The following CYP20A1 variants were observed in gnomAD, a reference collection of about 807,000 sequenced individuals.
CYP20A1 encodes cytochrome P450 20A1.
CYP20A1 carries 61 observed loss-of-function variants against 61.4 expected under a neutral mutation model. The observed-to-expected ratio is 0.99, with a 90% CI of 0.81 to 1.23. The LOEUF (loss-of-function observed/expected upper bound fraction) is 1.23, where lower values mean the gene tolerates loss of function less well. Among genes scored for constraint, CYP20A1 ranks in the 50% most tolerant of loss-of-function variants. The probability of loss-of-function intolerance (pLI) is 0.00; values close to 1 mark genes in which losing one functional copy is unlikely to be tolerated. For synonymous variants in CYP20A1, 193 were observed against 188.2 expected (o/e 1.03, Z -0.21); for missense variants, 530 against 542.4 (o/e 0.98, Z 0.23).
chr2:203,291,339 G>A (rs568890554), intron 10 of CYP20A1, among the ~76,000 whole-genome samples: 14 of 152,310 alleles, frequency 9.2e-5, no homozygotes, highest in Admixed American at 3.9e-4. Flanking sequence ...ACTGGGCCAT[G>A]TGTACGTTAA....
chr2:203,267,843 C>T (rs933007085), intron 5 of CYP20A1, among the ~76,000 whole-genome samples: 1 of 77,146 alleles, frequency 1.3e-5, no homozygotes, highest in Admixed American at 1.5e-4. Context: ...GAGTCCATCT[C>T]AAAAAAAAAA....
chr2:203,290,800 G>T lies in CYP20A1; in HGVS notation c.1083+924G>T, dbSNP rs534112396. On this transcript the variant is annotated intron_variant, in intron 10 of 12. Transcript: ENST00000356079. Reference sequence around the variant, plus strand: ...TGGGATTACAGGCTTGTGCCACAAGGCCTGGCTGATTTTTATATTTTTAGT... The same window carrying T: ...TGGGATTACAGGCTTGTGCCACAAGTCCTGGCTGATTTTTATATTTTTAGT... 9.2e-5 allele frequency among the ~76,000 whole-genome samples: 14 copies of T among 152,050 alleles called. No individual in the cohort carries two copies. The South Asian group carries it at 2.9e-3, about 32-fold the overall frequency.
chr2:203,296,809 G>C lies in CYP20A1; in HGVS notation c.1290G>C (p.Leu430=). 1 of 1,607,908 alleles carries C rather than the reference G, an allele frequency of 6.2e-7. No homozygotes were observed. The highest frequency in any genetic ancestry group is 8.5e-7 in the Non-Finnish European group (1 of 1,176,176). ...TTCTTAGTGTATTGGTGAAGAGACT[G>C]CACCTACTTTCTGTGGAGGGACAGG... ...TVLLSVLVKR[L]HLLSVEGQVI... The change falls in exon 13 of 13, where the codon CTG becomes CTC. Residue 430 remains leucine, a synonymous_variant. Coordinates refer to ENST00000356079, the MANE Select transcript of CYP20A1 (RefSeq NM_177538.3).
In CYP20A1 at chr2:203,301,600, C is replaced by G. The variant is rs2069024560; in HGVS notation, c.*4692C>G. ...AAACATTTTTTTATGAACTAAAGAG[C>G]TCTCTCAAACTTGTGCTAACAAAAT... On this transcript the variant is annotated 3_prime_UTR_variant, in exon 13 of 13. Transcript: ENST00000356079. Among the ~76,000 whole-genome samples the G allele has an allele frequency of 6.6e-6, 1 of 152,056 alleles. No homozygotes were observed. The highest frequency in any genetic ancestry group is 6.6e-5 in the Admixed American group (1 of 15,234).
chr2:203,288,825 G>A (rs1303590662), intron 9 of CYP20A1, among the ~76,000 whole-genome samples: 2 of 152,148 alleles, frequency 1.3e-5, no homozygotes, highest in East Asian at 3.8e-4. Context: ...TACCTGCTGT[G>A]TGATCTTAAA....
At chr2:203,251,817 A>ATATATATATGTGTATATATATATATATAT (rs34111991) in intron 3 of CYP20A1, 150 bp from the exon 4 acceptor site, 1 of 95,294 alleles carries the variant, frequency 1.0e-5, no homozygotes, top group Non-Finnish European at 2.2e-5. Context: ...ATATATATAT[A>ATATATATATGTGTATATATATATATATAT]AAAAATAAAA....
chr2:203,301,195 C>T lies in CYP20A1; in HGVS notation c.*4287C>T, dbSNP rs1419733303. Among the ~76,000 whole-genome samples, 1 of 123,096 alleles carries T rather than the reference C, an allele frequency of 8.1e-6. No homozygotes were observed. The highest frequency in any genetic ancestry group is 1.6e-5 in the Non-Finnish European group (1 of 60,610). 80.8% of individuals were successfully genotyped at this position (123,096 alleles called of 152,430 possible). A position where few individuals can be genotyped will look rare whatever the true frequency, so the allele number is the denominator to read the frequency against. On this transcript the variant is annotated 3_prime_UTR_variant, in exon 13 of 13. Coordinates refer to ENST00000356079, the MANE Select transcript of CYP20A1 (RefSeq NM_177538.3). ...TGGGCAAGAAGAGTGAAACTCTATC[C>T]AAAAAAAAAAAAAAACCATACGTAC...
At chr2:203,288,737 G>T (rs1252709640) in intron 9 of CYP20A1, among the ~76,000 whole-genome samples, 2 of 152,114 alleles carry the variant, frequency 1.3e-5, no homozygotes, top group East Asian at 3.8e-4. Context: ...GTATAATAAG[G>T]TCCTAGAAGT....
rs926768712 is a variant in CYP20A1, at chr2:203,272,862, T to G, written c.679+114T>G. On this transcript the variant is annotated intron_variant, in intron 6 of 12. Coordinates refer to ENST00000356079, the MANE Select transcript of CYP20A1 (RefSeq NM_177538.3). ...GTCATTTATATTTTCTTTTTTTTTTTTTTTGAGACAGAGTCTCGCTCTGTT... is the reference window on the plus strand; with the variant it reads ...GTCATTTATATTTTCTTTTTTTTTTGTTTTGAGACAGAGTCTCGCTCTGTT... The G allele has an allele frequency of 8.1e-6, 5 of 615,552 alleles. No individual in the cohort carries two copies. The African/African-American group carries it at 9.9e-5, about 12-fold the overall frequency. 38.1% of individuals were successfully genotyped at this position (615,552 alleles called of 1,614,324 possible).
chr2:203,244,457 C>A (rs1413777936), intron 1 of CYP20A1, among the ~76,000 whole-genome samples: 3 of 152,056 alleles, frequency 2.0e-5, no homozygotes, highest in African/African-American at 7.2e-5. Flanking sequence ...CCTCAGCCTC[C>A]AAAAGTGCTG....
intron 6 of CYP20A1, among the ~76,000 whole-genome samples, chr2:203,274,915 AAATT>A (rs1326221853): frequency 6.6e-6 from 1 of 152,216 alleles, no homozygotes; most frequent in Non-Finnish European, 1.5e-5. Flanking sequence ...GATCCTAAAT[AAATT>A]GTCTGGCATA....
chr2:203,280,699 AAAAC>A lies in CYP20A1; in HGVS notation c.850+598_850+601del, dbSNP rs570948693. Among the ~76,000 whole-genome samples, 28 of 152,228 alleles carry A rather than the reference AAAAC, an allele frequency of 1.8e-4. No homozygotes were observed. The East Asian group carries it at 4.6e-3, about 25-fold the overall frequency. ...CTGGGCAACAGAGCAAGACTGTCTC[AAAAC>A]AAACAAACAAAAATAAAACACTGTT... On this transcript the variant is annotated intron_variant, in intron 8 of 12. Transcript: ENST00000356079.
chr2:203,296,435 T>G, intron 11 of CYP20A1, 39 bp from the exon 12 acceptor site: 2 of 1,271,224 alleles, frequency 1.6e-6, no homozygotes, highest in Non-Finnish European at 1.1e-6. Context: ...AAGATGCCAG[T>G]GGAGCTATAT....
chr2:203,286,273 C>A (rs180705114), intron 9 of CYP20A1, among the ~76,000 whole-genome samples: 2 of 152,140 alleles, frequency 1.3e-5, no homozygotes, highest in African/African-American at 4.8e-5. Context: ...CAGAGCAAGA[C>A]CCTGTCTCAA....
chr2:203,285,017 TC>T (rs1342787372), intron 8 of CYP20A1, among the ~76,000 whole-genome samples: 1 of 151,980 alleles, frequency 6.6e-6, no homozygotes, highest in Non-Finnish European at 1.5e-5. Context: ...CCCAAAGTGA[TC>T]CCCTCCGTGT....
At chr2:203,267,462 T>C (rs2067372347) in intron 5 of CYP20A1, among the ~76,000 whole-genome samples, 1 of 148,398 alleles carries the variant, frequency 6.7e-6, no homozygotes, top group African/African-American at 2.5e-5. Context: ...TGAACCCAGG[T>C]GGCAGAGGTT....
chr2:203,239,673 A>C (rs1293894247), intron 1 of CYP20A1, among the ~76,000 whole-genome samples: 2 of 152,094 alleles, frequency 1.3e-5, no homozygotes, highest in African/African-American at 2.4e-5. Flanking sequence ...GGCTCCAGGC[A>C]AATGCTTCTT....
At chr2:203,273,951 AAAAT>A (rs2067710644) in intron 6 of CYP20A1, among the ~76,000 whole-genome samples, 2 of 152,132 alleles carry the variant, frequency 1.3e-5, no homozygotes, top group Non-Finnish European at 1.5e-5. Context: ...TTATCTCCAA[AAAAT>A]AAAAAATAAA....
At chr2:203,264,574 T>C (rs914907150) in intron 4 of CYP20A1, among the ~76,000 whole-genome samples, 1 of 152,154 alleles carries the variant, frequency 6.6e-6, no homozygotes, top group Admixed American at 6.6e-5. Context: ...ATTTTTTTAA[T>C]CCAGCCTATT....
Sources: gnomAD v4.1 joint callset for allele counts (sites outside exome capture counted in the v4.1 genomes callset) on GRCh38, gnomAD v4.1.1 for gene constraint, MANE v1.5 for transcripts, NCBI Gene and HGNC (gene_info 2026-07-23, HGNC 2026-07-21) for gene names.